Variants in STAC observed in about 807,000 individuals in gnomAD.
STAC encodes the protein SH3 and cysteine rich domain.
Under a neutral mutation model 48.8 loss-of-function variants are expected in STAC, and 43 were observed. That is an observed-to-expected ratio of 0.88 (90% confidence interval 0.69 to 1.14). The LOEUF is 1.14. Ranked by LOEUF, STAC falls within the 50% of genes most tolerant of loss-of-function variation. The pLI, the probability that STAC is intolerant of heterozygous loss-of-function variation, is 0.00. For synonymous variants in STAC, 193 were observed against 179.5 expected (o/e 1.07, Z -0.60); for missense variants, 497 against 504.0 (o/e 0.99, Z 0.13).
intron 8 of STAC, among the ~76,000 whole-genome samples, chr3:36,526,078 G>T (rs1040324469): frequency 1.2e-4 from 19 of 152,152 alleles, no homozygotes; most frequent in African/African-American, 4.6e-4. Context: ...GCAGACTACA[G>T]CAAATGCAGT....
chr3:36,468,807 T>C lies in STAC; in HGVS notation c.389-14185T>C, dbSNP rs548036726. On this transcript the variant is annotated intron_variant, in intron 2 of 10. Coordinates refer to ENST00000273183, the MANE Select transcript of STAC (RefSeq NM_003149.3). ...GTTTATATTTAGAATTGTGATATTT[T>C]CCTGTTGGACTAGTTCTTTTATCAT... 6.0e-5 allele frequency among the ~76,000 whole-genome samples: 9 copies of C among 150,806 alleles called. No homozygotes were observed. The South Asian group carries it at 8.3e-4, about 14-fold the overall frequency.
intron 4 of STAC, chr3:36,485,620 A>T (rs1057352107): frequency 6.6e-6 from 1 of 152,302 alleles, no homozygotes; most frequent in Non-Finnish European, 1.5e-5. Context: ...TACTTCTATT[A>T]TTTTTTTTCT....
At chr3:36,410,106 T>C (rs973103556) in intron 1 of STAC, among the ~76,000 whole-genome samples, 3 of 152,174 alleles carry the variant, frequency 2.0e-5, no homozygotes, top group Admixed American at 2.0e-4. Flanking sequence ...GAAAAATCTT[T>C]CCATTCTTGA....
intron 1 of STAC, among the ~76,000 whole-genome samples, chr3:36,391,872 T>C (rs1242953070): frequency 2.0e-5 from 3 of 152,044 alleles, no homozygotes; most frequent in Non-Finnish European, 4.4e-5. Context: ...CTGGAAGCAA[T>C]TGAAGGACTG....
At chr3:36,530,387 T>C (rs1049910764) in intron 10 of STAC, among the ~76,000 whole-genome samples, 2 of 152,160 alleles carry the variant, frequency 1.3e-5, no homozygotes, top group Non-Finnish European at 2.9e-5. Context: ...ATGCCTTTTT[T>C]AGGATTGCCT....
Position 36,533,886 on chromosome 3 carries a change from C to T in STAC, c.1110+4901C>T, listed in dbSNP as rs149199707. 1.9e-4 allele frequency among the ~76,000 whole-genome samples: 29 copies of T among 152,162 alleles called. No individual in the cohort carries two copies. The East Asian group carries it at 5.4e-3, about 28-fold the overall frequency. ...TTTTATTTTAGGTTCAGGGGTACAACATGTGCAGGTTTCTTATATAGGCAA... is the reference window on the plus strand; with the variant it reads ...TTTTATTTTAGGTTCAGGGGTACAATATGTGCAGGTTTCTTATATAGGCAA... On this transcript the variant is annotated intron_variant, in intron 10 of 10. Coordinates refer to ENST00000273183, the MANE Select transcript of STAC (RefSeq NM_003149.3).
At chr3:36,398,000 G>A (rs1470147523) in intron 1 of STAC, among the ~76,000 whole-genome samples, 1 of 152,026 alleles carries the variant, frequency 6.6e-6, no homozygotes, top group Non-Finnish European at 1.5e-5. Context: ...GGAGCCAAGA[G>A]CAAAATGCCA....
chr3:36,429,502 C>T (rs927362322), intron 1 of STAC, among the ~76,000 whole-genome samples: 2 of 152,192 alleles, frequency 1.3e-5, no homozygotes, highest in Admixed American at 1.3e-4. Flanking sequence ...AGAGCCTTCA[C>T]ATTTCTCTCT....
At chr3:36,419,047 CAAAAAA>C (rs1193056059) in intron 1 of STAC, among the ~76,000 whole-genome samples, 1 of 90,556 alleles carries the variant, frequency 1.1e-5, no homozygotes, top group Admixed American at 1.2e-4. Flanking sequence ...AACTCCGACT[CAAAAAA>C]AAAAAAAAAA....
intron 1 of STAC, among the ~76,000 whole-genome samples, chr3:36,411,599 T>C (rs1324462990): frequency 2.0e-5 from 3 of 152,166 alleles, no homozygotes; most frequent in East Asian, 1.9e-4. Context: ...AATTGCACCA[T>C]AGGAATTAAG....
At chr3:36,544,240 G>T (rs548692204) in intron 10 of STAC, among the ~76,000 whole-genome samples, 85 of 152,256 alleles carry the variant, frequency 5.6e-4, no homozygotes, top group Non-Finnish European at 1.1e-3. Context: ...TGTGATCTCG[G>T]CTCACTGCAA....
chr3:36,522,932 A>T (rs144281599), intron 8 of STAC, among the ~76,000 whole-genome samples: 1 of 152,320 alleles, frequency 6.6e-6, no homozygotes, highest in Non-Finnish European at 1.5e-5. Flanking sequence ...CTTGCAGAAT[A>T]GTTCCATGTA....
Position 36,437,340 on chromosome 3 carries a change from G to A in STAC, c.112-6024G>A, listed in dbSNP as rs199836071. Among the ~76,000 whole-genome samples the A allele has an allele frequency of 1.3e-4, 20 of 151,576 alleles. No homozygotes were observed. The East Asian group carries it at 2.5e-3, about 19-fold the overall frequency. ...ACACATGCACACGTATGTTTATTGC[G>A]GCACTATTCACAATAGCAAAGACTT... On this transcript the variant is annotated intron_variant, in intron 1 of 10. Coordinates refer to ENST00000273183, the MANE Select transcript of STAC (RefSeq NM_003149.3).
chr3:36,428,346 T>C (rs1380592819), intron 1 of STAC, among the ~76,000 whole-genome samples: 1 of 152,198 alleles, frequency 6.6e-6, no homozygotes, highest in Non-Finnish European at 1.5e-5. Flanking sequence ...TCAGTGATGA[T>C]AACAATAGCA....
At chr3:36,398,712 G>C (rs1019420822) in intron 1 of STAC, among the ~76,000 whole-genome samples, 1 of 147,348 alleles carries the variant, frequency 6.8e-6, no homozygotes, top group Non-Finnish European at 1.5e-5. Flanking sequence ...GAAAGAAAGA[G>C]AGAAAGAAAG....
intron 1 of STAC, among the ~76,000 whole-genome samples, chr3:36,420,242 T>G (rs936007865): frequency 3.3e-5 from 5 of 152,226 alleles, no homozygotes; most frequent in Non-Finnish European, 7.3e-5. Context: ...TTCTATGAAC[T>G]GTATCTGGCA....
chr3:36,402,939 T>C (rs1050255459), intron 1 of STAC, among the ~76,000 whole-genome samples: 15 of 152,132 alleles, frequency 9.9e-5, no homozygotes, highest in African/African-American at 1.7e-4. Context: ...CCCTTAAATA[T>C]GAACAGACAA....
intron 2 of STAC, among the ~76,000 whole-genome samples, chr3:36,466,055 C>G (rs549704829): frequency 1.1e-4 from 16 of 152,186 alleles, no homozygotes; most frequent in African/African-American, 3.9e-4. Flanking sequence ...ATATTTGATC[C>G]ATCTTAAGTT....
Position 36,538,215 on chromosome 3 carries a change from G to A in STAC, c.1111-7976G>A, listed in dbSNP as rs543132445. ...TTATCAAAACACAGGTTTTAAGAAA[G>A]TTTTATTAGAACATAGCTAAATTTA... On this transcript the variant is annotated intron_variant, in intron 10 of 10. Transcript: ENST00000273183. Among the ~76,000 whole-genome samples the A allele has an allele frequency of 1.6e-4, 24 of 152,224 alleles. 1 individual carries two copies. In the South Asian group the frequency reaches 4.6e-3, roughly 29 times the overall value.
Sources: allele counts gnomAD v4.1 joint callset (sites outside exome capture counted in the v4.1 genomes callset), GRCh38; gene constraint gnomAD v4.1.1; transcripts MANE v1.5; gene names NCBI Gene and HGNC (gene_info 2026-07-23, HGNC 2026-07-21).